ISM1: variants seen among roughly 807,000 people sequenced by gnomAD.
The protein encoded by ISM1 is isthmin 1.
A neutral mutation model predicts 46.3 loss-of-function variants in ISM1; 25 were observed. The observed-to-expected ratio is 0.54, with a 90% CI of 0.39 to 0.75. ISM1 has a LOEUF of 0.75. Ranked by LOEUF, ISM1 falls within the 30% of genes least tolerant of loss-of-function variation. ISM1 has a pLI of 0.00. For synonymous variants in ISM1, 255 were observed against 256.7 expected (o/e 0.99, Z 0.06); for missense variants, 536 against 625.4 (o/e 0.86, Z 1.52).
At chr20:13,304,363 A>G (rs981537775), downstream of ISM1, among the ~76,000 whole-genome samples, 1 of 152,154 alleles carries the variant, frequency 6.6e-6, no homozygotes, top group Admixed American at 6.5e-5. Context: ...GGTCATGGGG[A>G]GAGGTCCTTC....
At position 13,279,602 on chromosome 20, in the gene ISM1, A is replaced by T. The variant is rs922682658; in HGVS notation, c.379-32A>T. ...ATGTAGCTTGGAGGCTGTTGACTCCACACTGACCCCAGCCTGTTCTGAATT... is the reference window on the plus strand; with the variant it reads ...ATGTAGCTTGGAGGCTGTTGACTCCTCACTGACCCCAGCCTGTTCTGAATT... On this transcript the variant is annotated intron_variant, in intron 2 of 5. Coordinates refer to ENST00000262487, the MANE Select transcript of ISM1 (RefSeq NM_080826.2). 7 of 1,593,298 alleles carry T rather than the reference A, an allele frequency of 4.4e-6. No homozygotes were observed. The African/African-American group carries it at 9.4e-5, about 21-fold the overall frequency.
intron 3 of ISM1, among the ~76,000 whole-genome samples, chr20:13,280,692 C>T (rs528601824): frequency 6.6e-6 from 1 of 152,242 alleles, no homozygotes; most frequent in African/African-American, 2.4e-5. Flanking sequence ...ACTCGTAAGG[C>T]CCTCAGCCTG....
At chr20:13,226,747 T>C (rs2123124316) in intron 1 of ISM1, among the ~76,000 whole-genome samples, 1 of 152,334 alleles carries the variant, frequency 6.6e-6, no homozygotes, top group East Asian at 1.9e-4. Flanking sequence ...CATGGTGGAC[T>C]CAGAGCAGCA....
At chr20:13,234,545 G>A (rs1022214957) in intron 1 of ISM1, among the ~76,000 whole-genome samples, 1 of 152,142 alleles carries the variant, frequency 6.6e-6, no homozygotes, top group African/African-American at 2.4e-5. Flanking sequence ...TTTCTATAAA[G>A]GTTGTGCTTA....
chr20:13,268,542 G>A (rs958625541), intron 1 of ISM1, among the ~76,000 whole-genome samples: 1 of 152,176 alleles, frequency 6.6e-6, no homozygotes, highest in Non-Finnish European at 1.5e-5. Flanking sequence ...GGTGAACAAA[G>A]ACACTGCCCC....
At chr20:13,267,012 C>A (rs1049622368) in intron 1 of ISM1, among the ~76,000 whole-genome samples, 2 of 152,132 alleles carry the variant, frequency 1.3e-5, no homozygotes, top group Non-Finnish European at 2.9e-5. Context: ...TCTGTTGTCT[C>A]CTACCCTAGA....
At chr20:13,320,659 G>C in the ISM1 span, among the ~76,000 whole-genome samples, 1 of 152,120 alleles carries the variant, frequency 6.6e-6, no homozygotes, top group Non-Finnish European at 1.5e-5. Context: ...GAAGTTGATA[G>C]TCCCAGGTAA....
the ISM1 span, among the ~76,000 whole-genome samples, chr20:13,311,787 C>T: frequency 4.0e-5 from 6 of 151,788 alleles, no homozygotes; most frequent in African/African-American, 9.7e-5. Flanking sequence ...GCTTGGGAGG[C>T]GTAAAGGGGT....
the ISM1 span, among the ~76,000 whole-genome samples, chr20:13,312,962 G>C: frequency 6.6e-6 from 1 of 152,152 alleles, no homozygotes. Flanking sequence ...CACCAAAGGA[G>C]CATCTGGGTG....
intron 4 of ISM1, among the ~76,000 whole-genome samples, chr20:13,291,436 A>G (rs1312576322): frequency 1.3e-5 from 2 of 152,174 alleles, no homozygotes; most frequent in Admixed American, 6.5e-5. Context: ...AACCCTGCAA[A>G]TAAGTTTGAG....
chr20:13,244,457 T>C (rs1415175117), intron 1 of ISM1: 2 of 151,896 alleles, frequency 1.3e-5, no homozygotes, highest in African/African-American at 4.8e-5. Flanking sequence ...TTACATGTCC[T>C]CAAGTCCTAC....
chr20:13,283,649 T>C (rs1488559762), intron 3 of ISM1, among the ~76,000 whole-genome samples: 1 of 152,198 alleles, frequency 6.6e-6, no homozygotes, highest in African/African-American at 2.4e-5. Context: ...TTTAAATCTC[T>C]TCTGTGTAGA....
chr20:13,280,401 C>T (rs557322546), intron 3 of ISM1, among the ~76,000 whole-genome samples: 7 of 146,754 alleles, frequency 4.8e-5, no homozygotes, highest in East Asian at 4.3e-4. Context: ...ACCCCCCCCC[C>T]CCAATACATT....
chr20:13,285,666 A>C (rs961490552), intron 3 of ISM1, among the ~76,000 whole-genome samples: 2 of 152,238 alleles, frequency 1.3e-5, no homozygotes, highest in African/African-American at 4.8e-5. Flanking sequence ...CCATCCTGGA[A>C]TCAGCCCGAG....
At chr20:13,292,290 G>C (rs1449662893) in intron 4 of ISM1, 84 bp from the exon 5 acceptor site, 5 of 816,092 alleles carry the variant, frequency 6.1e-6, no homozygotes, top group Non-Finnish European at 1.0e-5. Flanking sequence ...CTTTGTTCAG[G>C]TGTATTTATT....
intron 1 of ISM1, among the ~76,000 whole-genome samples, chr20:13,248,868 T>A (rs548394088): frequency 6.6e-6 from 1 of 152,300 alleles, no homozygotes; most frequent in Admixed American, 6.5e-5. Flanking sequence ...TGAATTAACA[T>A]GAAGGGACAA....
chr20:13,226,992 C>A (rs1568660429), intron 1 of ISM1, among the ~76,000 whole-genome samples: 1 of 152,028 alleles, frequency 6.6e-6, no homozygotes, highest in Non-Finnish European at 1.5e-5. Flanking sequence ...TTTTTAGAAC[C>A]CATAGTGCAA....
At chr20:13,272,358 A>C (rs1600534892) in intron 2 of ISM1, among the ~76,000 whole-genome samples, 1 of 152,034 alleles carries the variant, frequency 6.6e-6, no homozygotes, top group African/African-American at 2.4e-5. Flanking sequence ...TGGAATACCA[A>C]CCCCCGCTGT....
rs1259637376 is a variant in ISM1 at position 13,221,636 on chromosome 20, G to C, written c.-141G>C. 1 of 616,788 alleles carries C rather than the reference G, an allele frequency of 1.6e-6. No individual in the cohort carries two copies. The highest frequency in any genetic ancestry group is 5.5e-5 in the East Asian group (1 of 18,208). 38.2% of individuals were successfully genotyped at this position (616,788 alleles called of 1,614,324 possible). A position where few individuals can be genotyped will look rare whatever the true frequency, so the allele number is the denominator to read the frequency against. ...CGCCGCGCCCAGCGCCAGCCCCGCG[G>C]GCCCGGGAAGCGGAGCCCTGGCGGG... is the stretch of plus-strand genomic sequence containing the variant. On this transcript the variant is annotated 5_prime_UTR_variant, in exon 1 of 6. Transcript: ENST00000262487.
Sources: allele counts gnomAD v4.1 joint callset (sites outside exome capture counted in the v4.1 genomes callset), GRCh38; gene constraint gnomAD v4.1.1; transcripts MANE v1.5; gene names NCBI Gene and HGNC (gene_info 2026-07-23, HGNC 2026-07-21).